RTL4: variants seen among roughly 807,000 people sequenced by gnomAD.
RTL4 encodes retrotransposon Gag like 4.
In RTL4, 4 loss-of-function variants were observed where a neutral mutation model predicts 5.3. The ratio of observed to expected loss-of-function variants is 0.75; its 90% confidence interval spans 0.37 to 1.72. The LOEUF is 1.72. Among genes scored for constraint, RTL4 ranks in the 40% most tolerant of loss-of-function variants. RTL4 has a pLI of 0.04. For synonymous variants in RTL4, 98 were observed against 87.3 expected, an observed-to-expected ratio of 1.12 and a Z score of -0.68; for missense variants, 260 against 227.1, an observed-to-expected ratio of 1.14 and a Z score of -0.93.
the RTL4 span, among the ~76,000 whole-genome samples, chrX:112,375,404 A>G: frequency 2.7e-5 from 3 of 110,959 alleles, no homozygotes; most frequent in Non-Finnish European, 5.7e-5. Context: ...TCTCCTAACC[A>G]CTCAGCTGTG....
At chrX:112,259,836 A>T in the RTL4 span, among the ~76,000 whole-genome samples, 1 of 111,809 alleles carries the variant, frequency 8.9e-6, no homozygotes, top group Non-Finnish European at 1.9e-5. Flanking sequence ...CCAGAGCATA[A>T]TATATTTTCT....
At chrX:112,314,442 C>G in the RTL4 span, among the ~76,000 whole-genome samples, 1 of 108,001 alleles carries the variant, frequency 9.3e-6, no homozygotes, top group African/African-American at 3.4e-5. Flanking sequence ...GGTGCTGCAC[C>G]TATATAATGG....
chrX:112,167,386 C>T, the RTL4 span, among the ~76,000 whole-genome samples: 2 of 111,580 alleles, frequency 1.8e-5, no homozygotes, highest in South Asian at 7.5e-4. Flanking sequence ...AAAGGTTCTA[C>T]GTTTTACCTG....
the RTL4 span, among the ~76,000 whole-genome samples, chrX:112,336,775 T>C: frequency 8.9e-6 from 1 of 111,950 alleles, no homozygotes. Context: ...AGCACTACTA[T>C]AGAACAGGGA....
chrX:112,366,203 C>T, the RTL4 span, among the ~76,000 whole-genome samples: 1 of 111,335 alleles, frequency 9.0e-6, no homozygotes, highest in African/African-American at 3.3e-5. Context: ...TCTGTGGGAC[C>T]TTAAGTAAGT....
the RTL4 span, among the ~76,000 whole-genome samples, chrX:112,115,107 G>A: frequency 9.0e-6 from 1 of 110,704 alleles, no homozygotes; most frequent in Non-Finnish European, 1.9e-5. Context: ...AACTGCCTGC[G>A]GTTCTGATTT....
the RTL4 span, among the ~76,000 whole-genome samples, chrX:112,416,441 G>A: frequency 8.9e-6 from 1 of 112,037 alleles, no homozygotes; most frequent in South Asian, 3.7e-4. Flanking sequence ...TCATTACCTA[G>A]AGCCAATGCC....
chrX:112,204,080 A>G, the RTL4 span, among the ~76,000 whole-genome samples: 1 of 112,793 alleles, frequency 8.9e-6, no homozygotes, highest in Non-Finnish European at 1.9e-5. Context: ...AAAGGTGCTC[A>G]ACATAATTGA....
the RTL4 span, among the ~76,000 whole-genome samples, chrX:112,274,115 C>G: frequency 8.9e-6 from 1 of 111,934 alleles, no homozygotes; most frequent in East Asian, 2.8e-4. Context: ...GCAAATAACT[C>G]CAATCAGGTC....
chrX:112,244,877 T>G, the RTL4 span, among the ~76,000 whole-genome samples: 1 of 112,029 alleles, frequency 8.9e-6, no homozygotes, highest in Non-Finnish European at 1.9e-5. Flanking sequence ...GGAGCTCTTG[T>G]AAGGCAGACC....
the RTL4 span, among the ~76,000 whole-genome samples, chrX:112,296,767 G>A: frequency 9.7e-4 from 94 of 97,235 alleles, 1 homozygote; most frequent in East Asian, 0.025. Flanking sequence ...CTGCCACCAC[G>A]CCCAGCTAAT....
At chrX:112,326,049 C>T in the RTL4 span, among the ~76,000 whole-genome samples, 2 of 112,046 alleles carry the variant, frequency 1.8e-5, no homozygotes, top group Non-Finnish European at 3.8e-5. Context: ...TGAAAAAATG[C>T]TCATCATCAC....
the RTL4 span, among the ~76,000 whole-genome samples, chrX:112,346,257 T>C: frequency 6.3e-5 from 7 of 111,671 alleles, no homozygotes. Context: ...TTAGTTTCCT[T>C]ACTGTGGCCA....
the RTL4 span, among the ~76,000 whole-genome samples, chrX:112,099,974 T>C: frequency 8.9e-6 from 1 of 112,006 alleles, no homozygotes; most frequent in East Asian, 2.8e-4. Context: ...CATGGCTGTG[T>C]AGACATTAAC....
chrX:112,406,690 C>T, the RTL4 span, among the ~76,000 whole-genome samples: 2 of 110,814 alleles, frequency 1.8e-5, no homozygotes, highest in East Asian at 2.8e-4. Flanking sequence ...GGAGTGATGG[C>T]ATCACCTCTA....
the RTL4 span, among the ~76,000 whole-genome samples, chrX:112,141,518 A>G: frequency 6.2e-5 from 7 of 112,115 alleles, no homozygotes; most frequent in Non-Finnish European, 1.3e-4. Flanking sequence ...AGATGTCTAC[A>G]GTGTAAGCTT....
At chrX:112,195,889 T>C in the RTL4 span, among the ~76,000 whole-genome samples, 1 of 111,044 alleles carries the variant, frequency 9.0e-6, no homozygotes, top group Non-Finnish European at 1.9e-5. Context: ...AAGCAAACGA[T>C]TTTTTTTGAG....
chrX:112,290,099 G>T, the RTL4 span, among the ~76,000 whole-genome samples: 1 of 111,592 alleles, frequency 9.0e-6, no homozygotes, highest in African/African-American at 3.3e-5. Context: ...AGAGCATCAG[G>T]CTATAGAGCT....
the RTL4 span, among the ~76,000 whole-genome samples, chrX:112,353,377 T>G: frequency 9.0e-6 from 1 of 111,394 alleles, no homozygotes; most frequent in Non-Finnish European, 1.9e-5. Context: ...TAAACACACA[T>G]GCACATGTAT....
Sources: gnomAD v4.1 joint callset for allele counts (sites outside exome capture counted in the v4.1 genomes callset) on GRCh38, gnomAD v4.1.1 for gene constraint, MANE v1.5 for transcripts, NCBI Gene and HGNC (gene_info 2026-07-23, HGNC 2026-07-21) for gene names.